OTOGL: variants seen among roughly 807,000 people sequenced by gnomAD.
The protein encoded by OTOGL is otogelin like, also known as otogelin-like protein.
Under a neutral mutation model 318.5 loss-of-function variants are expected in OTOGL, and 285 were observed. The observed-to-expected ratio is 0.89, with a 90% CI of 0.81 to 0.99. The LOEUF is 0.99. OTOGL is among the 50% of genes least tolerant of loss of function. OTOGL has a pLI of 0.00. For synonymous variants in OTOGL, 987 were observed against 936.5 expected, an observed-to-expected ratio of 1.05 and a Z score of -0.99; for missense variants, 2,899 against 2,845.6, an observed-to-expected ratio of 1.02 and a Z score of -0.43.
rs1887115565 is a variant in OTOGL, at chr12:80,318,534, A to T, written c.3635-12A>T. Reference sequence around the variant, plus strand: ...ATGCCAATTTATAATTCTAATATTTATATTTAACTAGGACTTGGAGAAGGA... The same window carrying T: ...ATGCCAATTTATAATTCTAATATTTTTATTTAACTAGGACTTGGAGAAGGA... On this transcript the variant is annotated splice_polypyrimidine_tract_variant and intron_variant, in intron 32 of 58. Transcript: ENST00000547103. 3 of 1,240,152 alleles carry T rather than the reference A, an allele frequency of 2.4e-6. No homozygotes were observed. The East Asian group carries it at 9.5e-5, about 39-fold the overall frequency. The allele number at this position is 1,240,152 out of a possible 1,614,324, so 76.8% of individuals were successfully genotyped here. A position where few individuals can be genotyped will look rare whatever the true frequency, so the allele number is the denominator to read the frequency against.
chr12:80,137,198 G>A (rs577180887), intron 1 of OTOGL, among the ~76,000 whole-genome samples: 1 of 152,060 alleles, frequency 6.6e-6, no homozygotes, highest in East Asian at 1.9e-4. Context: ...AAAGCTCTAT[G>A]TGGTATTTAT....
chr12:80,125,356 G>A (rs1235672609), intron 1 of OTOGL, among the ~76,000 whole-genome samples: 3 of 152,200 alleles, frequency 2.0e-5, no homozygotes, highest in African/African-American at 7.2e-5. Flanking sequence ...ATTTGCATAT[G>A]TTGAATCAGC....
chr12:80,147,175 T>G (rs1872440796), intron 1 of OTOGL, among the ~76,000 whole-genome samples: 1 of 151,964 alleles, frequency 6.6e-6, no homozygotes. Flanking sequence ...CTTTCCTGCT[T>G]TCTCCTGTGG....
chr12:80,142,926 G>A (rs1406693318), intron 1 of OTOGL, among the ~76,000 whole-genome samples: 2 of 152,044 alleles, frequency 1.3e-5, no homozygotes, highest in Non-Finnish European at 2.9e-5. Flanking sequence ...GACTCATTTT[G>A]ATTTAAATAT....
chr12:80,282,147 T>TTTAGAAAGCTTTAGAAATTTA (rs898254423), intron 26 of OTOGL, among the ~76,000 whole-genome samples: 1 of 151,860 alleles, frequency 6.6e-6, no homozygotes, highest in Non-Finnish European at 1.5e-5. Context: ...AAATGAAAAA[T>TTTAGAAAGCTTTAGAAATTTA]GTGAGCTTTA....
chr12:80,118,676 A>G (rs1046220078), intron 1 of OTOGL, among the ~76,000 whole-genome samples: 1 of 152,190 alleles, frequency 6.6e-6, no homozygotes, highest in African/African-American at 2.4e-5. Context: ...TTTTCCTACT[A>G]ATAACAGAGT....
chr12:80,221,267 C>CT (rs1565907827), intron 6 of OTOGL, among the ~76,000 whole-genome samples: 1 of 123,172 alleles, frequency 8.1e-6, no homozygotes, highest in African/African-American at 2.9e-5. Flanking sequence ...TTCCAGCATA[C>CT]CTTTTTTTTT....
chr12:80,368,429 T>A, intron 55 of OTOGL, 120 bp downstream of exon 55: 1 of 535,438 alleles, frequency 1.9e-6, no homozygotes, highest in Non-Finnish European at 3.3e-6. Flanking sequence ...ACAGTACACC[T>A]ACAGCACACA....
At chr12:80,347,117 T>C (rs1472755925) in intron 44 of OTOGL, among the ~76,000 whole-genome samples, 1 of 152,302 alleles carries the variant, frequency 6.6e-6, no homozygotes, top group Admixed American at 6.5e-5. Context: ...GACAGTTTAA[T>C]AGATGCTTCT....
intron 34 of OTOGL, among the ~76,000 whole-genome samples, chr12:80,322,781 A>G (rs889742007): frequency 6.6e-6 from 1 of 152,152 alleles, no homozygotes; most frequent in African/African-American, 2.4e-5. Flanking sequence ...ATCCGCCCAT[A>G]TATTTTGTTG....
rs527549640 is a variant in OTOGL at position 80,190,321 on chromosome 12, T to C, written c.-19-19092T>C. On this transcript the variant is annotated intron_variant, in intron 1 of 58. Transcript: ENST00000547103. ...AAAATATTTTAATGCTTAGAAGCCA[T>C]AAAATAAATTCAAAGAAGCACAACA... Among the ~76,000 whole-genome samples, 9 of 152,334 alleles carry C rather than the reference T, an allele frequency of 5.9e-5. 1 individual carries two copies. Among genetic ancestry groups the C allele is most frequent in the Admixed American group, 3.9e-4 (6 of 15,300 alleles).
At chr12:80,365,723 A>G (rs1195506301) in intron 52 of OTOGL, among the ~76,000 whole-genome samples, 1 of 152,192 alleles carries the variant, frequency 6.6e-6, no homozygotes, top group African/African-American at 2.4e-5. Flanking sequence ...TTTACAACTT[A>G]CAAGGCACTA....
In OTOGL at chr12:80,358,918, G is replaced by T; in HGVS notation, c.6267+18G>T. 1.4e-6 allele frequency: 2 copies of T among 1,454,690 alleles called. No homozygotes were observed. The highest frequency in any genetic ancestry group is 2.5e-5 in the South Asian group (2 of 79,160). The allele number at this position is 1,454,690 out of a possible 1,614,324, so 90.1% of individuals were successfully genotyped here. ...GTGAAGTGGTAAGAACACATATTTTGATTGACTTGTCATATTTATTTAAAT... is the reference window on the plus strand; with the variant it reads ...GTGAAGTGGTAAGAACACATATTTTTATTGACTTGTCATATTTATTTAAAT... On this transcript the variant is annotated intron_variant, in intron 52 of 58. Coordinates refer to ENST00000547103, the MANE Select transcript of OTOGL (RefSeq NM_001378609.3).
At position 80,265,013 on chromosome 12, in the gene OTOGL, C is replaced by G; in HGVS notation, c.2027C>G (p.Ala676Gly). ...GGCTCTTTGTTAGTTGGGTATGCAG[C>G]ACACTGTGATGTCATCCACCAGGAG... ...NINQQNIGYA[A>G]HCDVIHQELF... is the part of the protein sequence containing the mutation. The change falls in exon 20 of 59, where the codon GCA becomes GGA. Residue 676 changes from alanine to glycine, a missense_variant. Ala to Gly is a moderately conservative substitution (Grantham distance 60). Coordinates refer to ENST00000547103, the MANE Select transcript of OTOGL (RefSeq NM_001378609.3). 1 of 1,613,854 alleles carries G rather than the reference C, an allele frequency of 6.2e-7. No homozygotes were observed. Among genetic ancestry groups the G allele is most frequent in the South Asian group, 1.1e-5 (1 of 91,076 alleles).
chr12:80,313,400 T>C (rs990475933), intron 30 of OTOGL, 76 bp from the exon 31 acceptor site: 2 of 1,389,262 alleles, frequency 1.4e-6, no homozygotes, highest in Non-Finnish European at 2.0e-6. Context: ...TGAAAACACA[T>C]AGTTTTTTAG....
intron 29 of OTOGL, among the ~76,000 whole-genome samples, chr12:80,309,733 A>G (rs1208547548): frequency 6.6e-6 from 1 of 152,170 alleles, no homozygotes; most frequent in East Asian, 1.9e-4. Flanking sequence ...AGAGGAGGAA[A>G]TGAATGTGGA....
intron 1 of OTOGL, among the ~76,000 whole-genome samples, chr12:80,186,693 C>T (rs1404027101): frequency 6.6e-6 from 1 of 152,070 alleles, no homozygotes; most frequent in Non-Finnish European, 1.5e-5. Context: ...CTCTTCTCTC[C>T]TTTCCTGTTC....
chr12:80,118,861 T>A (rs1215916417), intron 1 of OTOGL, among the ~76,000 whole-genome samples: 2 of 149,866 alleles, frequency 1.3e-5, no homozygotes, highest in Admixed American at 1.3e-4. Context: ...TAATCTTAGA[T>A]CTGTTTTTTT....
intron 16 of OTOGL, 133 bp downstream of exon 16, chr12:80,255,318 G>T: frequency 1.1e-6 from 1 of 906,896 alleles, no homozygotes; most frequent in Non-Finnish European, 1.5e-6. Context: ...TGATTATTAA[G>T]ATACATCATT....
Sources: gnomAD v4.1 joint callset for allele counts (sites outside exome capture counted in the v4.1 genomes callset) on GRCh38, gnomAD v4.1.1 for gene constraint, MANE v1.5 for transcripts, NCBI Gene and HGNC (gene_info 2026-07-23, HGNC 2026-07-21) for gene names.